Variants in MYO16 observed in about 807,000 individuals in gnomAD.
MYO16 encodes the protein unconventional myosin-XVI.
In MYO16, 94 loss-of-function variants were observed where a neutral mutation model predicts 205.3. That is an observed-to-expected ratio of 0.46 (90% CI 0.39 to 0.54). The LOEUF is 0.54. Among genes scored for constraint, MYO16 ranks in the 20% least tolerant of loss-of-function variants. MYO16 has a pLI of 0.00. For missense variants in MYO16, 2,315 were observed against 2,387.5 expected (o/e 0.97, Z 0.63); for synonymous variants, 988 against 954.0 (o/e 1.04, Z -0.66).
intron 7 of MYO16, among the ~76,000 whole-genome samples, chr13:108,818,400 T>TA (rs1340063194): frequency 2.8e-5 from 4 of 140,558 alleles, no homozygotes; most frequent in Admixed American, 2.1e-4. Flanking sequence ...AAAATAATAA[T>TA]AATAAATAAA....
At chr13:109,110,807 A>G (rs565629507) in intron 28 of MYO16, among the ~76,000 whole-genome samples, 80 of 152,224 alleles carry the variant, frequency 5.3e-4, no homozygotes, top group Non-Finnish European at 9.6e-4. Context: ...GGGAAATGTG[A>G]ATTCAGCCTG....
intron 15 of MYO16, among the ~76,000 whole-genome samples, chr13:108,908,742 G>A (rs1217921385): frequency 6.6e-6 from 1 of 152,040 alleles, no homozygotes; most frequent in East Asian, 1.9e-4. Flanking sequence ...GGGAGGCCGA[G>A]GTGGGCAGAT....
At chr13:108,520,745 G>T in the MYO16 span, among the ~76,000 whole-genome samples, 1 of 152,198 alleles carries the variant, frequency 6.6e-6, no homozygotes, top group Non-Finnish European at 1.5e-5. Flanking sequence ...GAAGACAAAT[G>T]AGATTATAAT....
intron 4 of MYO16, among the ~76,000 whole-genome samples, chr13:108,746,829 C>A (rs7982811): frequency 0.45 from 68,238 of 151,734 alleles, 15,471 homozygotes; most frequent in East Asian, 0.55. Flanking sequence ...ACGATGAAAA[C>A]CCAAAAAACA....
chr13:108,834,825 G>A (rs1378167957), intron 9 of MYO16, among the ~76,000 whole-genome samples: 1 of 151,866 alleles, frequency 6.6e-6, no homozygotes, highest in Non-Finnish European at 1.5e-5. Context: ...ATTTTACTAT[G>A]TGTGTCCTTA....
At chr13:109,058,225 C>A (rs1887475990) in intron 27 of MYO16, among the ~76,000 whole-genome samples, 1 of 152,058 alleles carries the variant, frequency 6.6e-6, no homozygotes, top group Admixed American at 6.6e-5. Flanking sequence ...GTTTTGCTTC[C>A]CCCCAGCCAA....
chr13:109,018,727 C>T (rs560139269), intron 22 of MYO16, among the ~76,000 whole-genome samples: 4 of 152,158 alleles, frequency 2.6e-5, no homozygotes, highest in Admixed American at 6.6e-5. Context: ...CAGTCTGTCA[C>T]GGCTTCCCTT....
rs1398416023 is a variant in MYO16 at position 108,793,643 on chromosome 13, A to T, written c.741+3A>T. ...AAAACGATGAAGGAGTAACCCTGGT[A>T]AGTTCATATATTTGACTCAGAAACT... On this transcript the variant is annotated splice_donor_region_variant and intron_variant, in intron 6 of 34. Transcript: ENST00000457511. The T allele has an allele frequency of 6.2e-7, 1 of 1,612,086 alleles. No homozygotes were observed. Among genetic ancestry groups the T allele is most frequent in the Admixed American group, 1.7e-5 (1 of 59,796 alleles).
At chr13:109,186,687 C>T (rs1456568183) in intron 34 of MYO16, among the ~76,000 whole-genome samples, 1 of 152,126 alleles carries the variant, frequency 6.6e-6, no homozygotes, top group African/African-American at 2.4e-5. Context: ...TCATTGGAAA[C>T]TTTTCTGAGA....
At chr13:108,736,241 C>T (rs195252) in intron 4 of MYO16, among the ~76,000 whole-genome samples, 5,413 of 152,110 alleles carry the variant, frequency 0.036, 299 homozygotes, top group African/African-American at 0.12. Context: ...CTGAATGGTA[C>T]TGCCTAGGTT....
At chr13:108,911,066 C>CACAGAGAG (rs59417999) in intron 16 of MYO16, among the ~76,000 whole-genome samples, 1,583 of 143,068 alleles carry the variant, frequency 0.011, 11 homozygotes, top group Middle Eastern at 0.039. Context: ...CACACACACA[C>CACAGAGAG]AGAGAGAGAG....
intron 14 of MYO16, 98 bp from the exon 15 acceptor site, chr13:108,897,918 C>T: frequency 2.0e-6 from 2 of 986,634 alleles, no homozygotes; most frequent in Non-Finnish European, 3.1e-6. Flanking sequence ...TAGAAACTTT[C>T]AGACCAAGAA....
At chr13:108,797,211 C>A (rs1333522081) in intron 6 of MYO16, among the ~76,000 whole-genome samples, 1 of 152,176 alleles carries the variant, frequency 6.6e-6, no homozygotes, top group Non-Finnish European at 1.5e-5. Context: ...CACATCAGTT[C>A]TGGAGATATT....
intron 3 of MYO16, among the ~76,000 whole-genome samples, chr13:108,713,653 A>G (rs925681311): frequency 1.3e-5 from 2 of 152,210 alleles, no homozygotes; most frequent in African/African-American, 2.4e-5. Flanking sequence ...AACATTGGGG[A>G]AAAACTGCAT....
intron 31 of MYO16, among the ~76,000 whole-genome samples, chr13:109,136,153 G>A (rs1876765681): frequency 6.6e-6 from 1 of 151,502 alleles, no homozygotes; most frequent in African/African-American, 2.4e-5. Flanking sequence ...GAATGCAGTG[G>A]CGCAATCTTG....
chr13:108,961,038 A>G (rs1883559632), intron 17 of MYO16, among the ~76,000 whole-genome samples: 1 of 152,178 alleles, frequency 6.6e-6, no homozygotes, highest in South Asian at 2.1e-4. Context: ...GAAGTAAACA[A>G]TTCTGTAATC....
At chr13:108,549,325 T>C in the MYO16 span, among the ~76,000 whole-genome samples, 1 of 151,984 alleles carries the variant, frequency 6.6e-6, no homozygotes, top group Non-Finnish European at 1.5e-5. Context: ...AGCCAACAAA[T>C]GCAGGCACAT....
At chr13:108,798,850 C>T (rs1034815873) in intron 6 of MYO16, among the ~76,000 whole-genome samples, 20 of 146,762 alleles carry the variant, frequency 1.4e-4, no homozygotes, top group African/African-American at 4.3e-4. Context: ...GGACTACAGG[C>T]GCCCGCCACC....
chr13:108,667,951 G>A (rs774052285), intron 2 of MYO16, among the ~76,000 whole-genome samples: 1 of 152,102 alleles, frequency 6.6e-6, no homozygotes, highest in African/African-American at 2.4e-5. Flanking sequence ...GAGGTGAGAG[G>A]ATTGTTTGAG....
Sources: gnomAD v4.1 joint callset for allele counts (sites outside exome capture counted in the v4.1 genomes callset) on GRCh38, gnomAD v4.1.1 for gene constraint, MANE v1.5 for transcripts, NCBI Gene and HGNC (gene_info 2026-07-23, HGNC 2026-07-21) for gene names.